CUX1: variants seen among roughly 807,000 people sequenced by gnomAD.
The protein encoded by CUX1 is cut like homeobox 1.
Under a neutral mutation model 158.8 loss-of-function variants are expected in CUX1, and 31 were observed. That is an observed-to-expected ratio of 0.20 (90% confidence interval 0.15 to 0.26). The LOEUF (loss-of-function observed/expected upper bound fraction) is 0.26. Ranked by LOEUF, CUX1 falls within the 10% of genes least tolerant of loss-of-function variation. The pLI is 1.00. For missense variants in CUX1, 1,589 were observed against 2,014.6 expected (o/e 0.79, Z 4.04); for synonymous variants, 879 against 862.1 (o/e 1.02, Z -0.34).
chr7:102,157,686 A>G (rs919770571), intron 8 of CUX1, among the ~76,000 whole-genome samples: 1 of 152,172 alleles, frequency 6.6e-6, no homozygotes, highest in African/African-American at 2.4e-5. Flanking sequence ...AGGCTGAGGC[A>G]GGAGAATTGC....
At chr7:101,992,256 A>T (rs2129245333) in intron 2 of CUX1, among the ~76,000 whole-genome samples, 1 of 152,006 alleles carries the variant, frequency 6.6e-6, no homozygotes, top group East Asian at 1.9e-4. Context: ...CCTAAAACCC[A>T]CCCCCTCCCA....
At chr7:101,888,699 C>T (rs1800523877) in intron 1 of CUX1, among the ~76,000 whole-genome samples, 3 of 152,112 alleles carry the variant, frequency 2.0e-5, no homozygotes. Context: ...ATGTGATTCT[C>T]ATGCCTTAGC....
chr7:102,192,681 GA>G (rs1554517308), intron 12 of CUX1, among the ~76,000 whole-genome samples: 2 of 152,136 alleles, frequency 1.3e-5, no homozygotes, highest in Admixed American at 1.3e-4. Flanking sequence ...ACACTAGGGG[GA>G]CAGAGGCCGA....
chr7:102,231,551 A>G (rs371609710), intron 21 of CUX1, among the ~76,000 whole-genome samples: 8 of 152,186 alleles, frequency 5.3e-5, no homozygotes, highest in African/African-American at 1.7e-4. Flanking sequence ...AGTCATACAG[A>G]TAATTTTCCA....
In CUX1 at chr7:102,165,816, A is replaced by G. The variant is rs551634860; in HGVS notation, c.724-4630A>G. On this transcript the variant is annotated intron_variant, in intron 9 of 23. Coordinates refer to ENST00000292535, the MANE Select transcript of CUX1 (RefSeq NM_181552.4). Reference sequence around the variant, plus strand: ...TTCCCCAAATCACCCAGTGAGGAATATGACACCAGCCCAGGGAGCAGAAAA... The same window carrying G: ...TTCCCCAAATCACCCAGTGAGGAATGTGACACCAGCCCAGGGAGCAGAAAA... Among the ~76,000 whole-genome samples the G allele has an allele frequency of 1.5e-4, 23 of 152,202 alleles. No homozygotes were observed. The South Asian group carries it at 2.5e-3, about 16-fold the overall frequency.
At chr7:102,110,565 T>TA (rs1491371610) in intron 6 of CUX1, among the ~76,000 whole-genome samples, 1 of 152,208 alleles carries the variant, frequency 6.6e-6, no homozygotes, top group Admixed American at 6.5e-5. Flanking sequence ...CATAGTAGTT[T>TA]ATGTTACACT....
chr7:102,060,310 C>T (rs73185883), intron 3 of CUX1, among the ~76,000 whole-genome samples: 22,037 of 151,572 alleles, frequency 0.15, 1,689 homozygotes, highest in Middle Eastern at 0.22. Flanking sequence ...GGTCCTGGTC[C>T]TCCAGGACTT....
chr7:102,223,558 A>C (rs891978226), intron 20 of CUX1, among the ~76,000 whole-genome samples: 3 of 152,204 alleles, frequency 2.0e-5, no homozygotes, highest in Non-Finnish European at 4.4e-5. Context: ...TGGTCAATAG[A>C]AAAGAAACAT....
intron 12 of CUX1, among the ~76,000 whole-genome samples, chr7:102,192,530 A>G (rs1180894977): frequency 6.6e-6 from 1 of 152,200 alleles, no homozygotes; most frequent in African/African-American, 2.4e-5. Context: ...ATTCCATCTT[A>G]AGAAACCCCT....
chr7:101,853,585 G>GTGTGTGTGTGTGTGTGTGTGTT (rs1796498276), intron 1 of CUX1, among the ~76,000 whole-genome samples: 1 of 27,450 alleles, frequency 3.6e-5, no homozygotes, highest in African/African-American at 1.0e-4. Flanking sequence ...AATAGAAAGG[G>GTGTGTGTGTGTGTGTGTGTGTT]TGTGTGTGTG....
chr7:102,283,099 G>GGCCTCCCCCGTGACAGTGACGGCTGC, exon 23 of CUX1: 1 of 1,612,488 alleles, frequency 6.2e-7, no homozygotes, highest in Non-Finnish European at 8.5e-7. Flanking sequence ...GATACCCCGG[G>GGCCTCCCCCGTGACAGTGACGGCTGC]GCCTCCCCCG....
chr7:102,008,362 A>C (rs1313966509), intron 2 of CUX1, among the ~76,000 whole-genome samples: 25 of 134,920 alleles, frequency 1.9e-4, no homozygotes, highest in East Asian at 4.4e-4. Context: ...AAGCCCCCCC[A>C]CCTCTACTCG....
At chr7:101,937,967 A>G (rs1807147614) in intron 2 of CUX1, among the ~76,000 whole-genome samples, 1 of 151,936 alleles carries the variant, frequency 6.6e-6, no homozygotes, top group Non-Finnish European at 1.5e-5. Flanking sequence ...TTCTACCCAC[A>G]CTCTTGCCCT....
chr7:102,183,215 T>C (rs1043783457), intron 11 of CUX1, among the ~76,000 whole-genome samples: 25 of 152,202 alleles, frequency 1.6e-4, no homozygotes, highest in African/African-American at 5.8e-4. Flanking sequence ...GGTTTCACCA[T>C]GTTGGCCAGG....
chr7:102,276,218 T>C (rs2132819706), intron 17 of CUX1, among the ~76,000 whole-genome samples: 1 of 152,324 alleles, frequency 6.6e-6, no homozygotes, highest in South Asian at 2.1e-4. Context: ...GAAGTGGAAT[T>C]ACTAGATCCT....
intron 3 of CUX1, among the ~76,000 whole-genome samples, chr7:102,048,600 G>A (rs530590667): frequency 3.9e-5 from 6 of 152,256 alleles, no homozygotes; most frequent in South Asian, 2.1e-4. Flanking sequence ...AGGCCAAGGC[G>A]GGTGGATTAC....
rs59526574 is a variant in CUX1, at chr7:102,141,417, A to G, written c.675-17143A>G. 3.2e-3 allele frequency among the ~76,000 whole-genome samples: 491 copies of G among 152,150 alleles called. 1 individual carries two copies. The highest frequency in any genetic ancestry group is 0.011 in the African/African-American group (470 of 41,504). ...CACAGGTGAGCCAAGCATTGACTTT[A>G]CTGGGGAAAAACCAGGTGGAAGAAG... On this transcript the variant is annotated intron_variant, in intron 8 of 23. Transcript: ENST00000292535.
chr7:101,978,040 G>A (rs1483338197), intron 2 of CUX1, among the ~76,000 whole-genome samples: 1 of 151,462 alleles, frequency 6.6e-6, no homozygotes, highest in African/African-American at 2.4e-5. Flanking sequence ...ACTCTGCTGG[G>A]TCCCCACTCG....
intron 2 of CUX1, among the ~76,000 whole-genome samples, chr7:101,984,751 G>A (rs1814060017): frequency 6.6e-6 from 1 of 152,144 alleles, no homozygotes; most frequent in African/African-American, 2.4e-5. Flanking sequence ...AAAACAGCAC[G>A]TTCTCAGTAC....
Sources: gnomAD v4.1 joint callset for allele counts (sites outside exome capture counted in the v4.1 genomes callset) on GRCh38, gnomAD v4.1.1 for gene constraint, MANE v1.5 for transcripts, NCBI Gene and HGNC (gene_info 2026-07-23, HGNC 2026-07-21) for gene names.